RPS6KC1: variants seen among roughly 807,000 people sequenced by gnomAD.
RPS6KC1 encodes the protein ribosomal protein S6 kinase C1, also known as inactive ribosomal protein S6 kinase delta-1.
Under a neutral mutation model 103.8 loss-of-function variants are expected in RPS6KC1, and 54 were observed. The ratio of observed to expected loss-of-function variants is 0.52; its 90% CI spans 0.42 to 0.65. The LOEUF is 0.65. Ranked by LOEUF, RPS6KC1 falls within the 30% of genes least tolerant of loss-of-function variation. RPS6KC1 has a pLI of 0.00. For synonymous variants in RPS6KC1, 439 were observed against 438.7 expected (o/e 1.00, Z -0.01); for missense variants, 1,151 against 1,253.8 (o/e 0.92, Z 1.24).
chr1:213,628,319 T>G, the RPS6KC1 span, among the ~76,000 whole-genome samples: 2 of 152,174 alleles, frequency 1.3e-5, no homozygotes, highest in African/African-American at 4.8e-5. Context: ...TCTTTTATTC[T>G]TTATTAGTCT....
At chr1:213,664,383 G>A in the RPS6KC1 span, among the ~76,000 whole-genome samples, 1 of 152,172 alleles carries the variant, frequency 6.6e-6, no homozygotes, top group Non-Finnish European at 1.5e-5. Flanking sequence ...TGTAAACACA[G>A]GCCCTTATTT....
At chr1:213,387,313 C>A in the RPS6KC1 span, among the ~76,000 whole-genome samples, 2 of 152,138 alleles carry the variant, frequency 1.3e-5, no homozygotes, top group Non-Finnish European at 2.9e-5. Context: ...TTTATAAAAC[C>A]CATAGGTTTA....
the RPS6KC1 span, among the ~76,000 whole-genome samples, chr1:213,334,526 C>T: frequency 6.6e-6 from 1 of 152,188 alleles, no homozygotes; most frequent in African/African-American, 2.4e-5. Flanking sequence ...ATTCCTGTAC[C>T]ATCGAAGTGG....
At chr1:213,251,937 A>G (rs572548958) in intron 12 of RPS6KC1, among the ~76,000 whole-genome samples, 1 of 152,230 alleles carries the variant, frequency 6.6e-6, no homozygotes, top group Non-Finnish European at 1.5e-5. Context: ...GAAATATACA[A>G]TTGGTTAACT....
At chr1:213,357,111 G>A in the RPS6KC1 span, among the ~76,000 whole-genome samples, 18 of 151,536 alleles carry the variant, frequency 1.2e-4, no homozygotes, top group East Asian at 1.2e-3. Flanking sequence ...CACCTACATC[G>A]GGATCACCTG....
chr1:213,728,371 TAA>T, the RPS6KC1 span, among the ~76,000 whole-genome samples: 1 of 152,204 alleles, frequency 6.6e-6, no homozygotes, highest in African/African-American at 2.4e-5. Flanking sequence ...GCGTCCTTTC[TAA>T]GTGTCAAGCG....
At chr1:213,851,517 A>G in the RPS6KC1 span, among the ~76,000 whole-genome samples, 2 of 152,012 alleles carry the variant, frequency 1.3e-5, no homozygotes, top group African/African-American at 2.4e-5. Context: ...TACTTTTAGC[A>G]CTGTTTTTAT....
chr1:213,635,066 A>C, the RPS6KC1 span, among the ~76,000 whole-genome samples: 30 of 152,272 alleles, frequency 2.0e-4, no homozygotes, highest in South Asian at 6.0e-3. Context: ...CCCAAAACTA[A>C]CCCAGGAAGA....
chr1:213,171,041 T>A (rs1498355), intron 7 of RPS6KC1, among the ~76,000 whole-genome samples: 68,553 of 152,038 alleles, frequency 0.45, 19,218 homozygotes, highest in Non-Finnish European at 0.62. Context: ...TTGTTAATTA[T>A]TGTTTTCTCC....
the RPS6KC1 span, among the ~76,000 whole-genome samples, chr1:213,520,833 ACAAACAT>A: frequency 6.6e-6 from 1 of 152,180 alleles, no homozygotes; most frequent in Non-Finnish European, 1.5e-5. Flanking sequence ...ACAAAATATA[ACAAACAT>A]TTATTTTTAA....
At chr1:213,477,592 T>G in the RPS6KC1 span, among the ~76,000 whole-genome samples, 1 of 152,202 alleles carries the variant, frequency 6.6e-6, no homozygotes. Context: ...TCTGATATGT[T>G]TTTCTTTAAA....
chr1:213,232,991 A>T (rs1353189548), intron 10 of RPS6KC1, among the ~76,000 whole-genome samples: 1 of 152,186 alleles, frequency 6.6e-6, no homozygotes, highest in Non-Finnish European at 1.5e-5. Context: ...AAAAATTTTT[A>T]AATTGTTTTC....
the RPS6KC1 span, among the ~76,000 whole-genome samples, chr1:213,486,703 G>A: frequency 2.0e-5 from 3 of 152,194 alleles, 1 homozygote; most frequent in Admixed American, 6.5e-5. Flanking sequence ...TGGAGCCATA[G>A]ACTCCTTTCT....
the RPS6KC1 span, among the ~76,000 whole-genome samples, chr1:213,602,576 A>G: frequency 1.3e-5 from 2 of 152,120 alleles, no homozygotes; most frequent in African/African-American, 2.4e-5. Context: ...TGAAAGAATA[A>G]CATTTTATAG....
intron 3 of RPS6KC1, 92 bp from the exon 4 acceptor site, chr1:213,104,362 C>A: frequency 2.7e-6 from 2 of 741,646 alleles, no homozygotes; most frequent in Non-Finnish European, 4.6e-6. Flanking sequence ...AAGTGATAGG[C>A]CTGCTGCTGC....
At chr1:213,377,442 T>C in the RPS6KC1 span, among the ~76,000 whole-genome samples, 1 of 152,346 alleles carries the variant, frequency 6.6e-6, no homozygotes, top group East Asian at 1.9e-4. Context: ...TTTCAGGTGT[T>C]CTGTGTTTTG....
the RPS6KC1 span, among the ~76,000 whole-genome samples, chr1:213,566,443 T>G: frequency 1.1e-4 from 2 of 18,216 alleles, no homozygotes; most frequent in African/African-American, 8.7e-4. Flanking sequence ...TTTAGTTTTT[T>G]TTTTTTTTTT....
chr1:213,169,813 G>A (rs1387258928), intron 7 of RPS6KC1, among the ~76,000 whole-genome samples: 3 of 134,826 alleles, frequency 2.2e-5, no homozygotes, highest in Admixed American at 8.2e-5. Context: ...ATGGAGTCTC[G>A]CTCTGTCACC....
the RPS6KC1 span, chr1:213,794,432 G>A: frequency 3.3e-5 from 5 of 152,164 alleles, no homozygotes; most frequent in African/African-American, 1.2e-4. Context: ...CCCACACAGA[G>A]ACGGTTTTGG....
Sources: gnomAD v4.1 joint callset for allele counts (sites outside exome capture counted in the v4.1 genomes callset) on GRCh38, gnomAD v4.1.1 for gene constraint, MANE v1.5 for transcripts, NCBI Gene and HGNC (gene_info 2026-07-23, HGNC 2026-07-21) for gene names.